ALK: variants seen among roughly 807,000 people sequenced by gnomAD.
ALK encodes ALK receptor tyrosine kinase.
In ALK, 74 loss-of-function variants were observed where a neutral mutation model predicts 163.1. That is an observed-to-expected ratio of 0.45 (90% CI 0.38 to 0.55). ALK has a LOEUF of 0.55. Among genes scored for constraint, ALK ranks in the 20% least tolerant of loss-of-function variants. ALK has a pLI of 0.00. For synonymous variants in ALK, 960 were observed against 843.2 expected (o/e 1.14, Z -2.40); for missense variants, 2,063 against 2,105.3 (o/e 0.98, Z 0.39).
At chr2:29,357,519 G>A (rs1668281257) in intron 5 of ALK, among the ~76,000 whole-genome samples, 1 of 152,226 alleles carries the variant, frequency 6.6e-6, no homozygotes, top group African/African-American at 2.4e-5. Flanking sequence ...CAGCAGTCAT[G>A]GCAAACTTTC....
intron 3 of ALK, among the ~76,000 whole-genome samples, chr2:29,690,328 C>A (rs918928712): frequency 1.3e-5 from 2 of 152,096 alleles, no homozygotes; most frequent in Admixed American, 1.3e-4. Context: ...AGTCAGAGGA[C>A]GGGGAGAGAG....
chr2:29,264,873 G>A (rs767922123), intron 11 of ALK, among the ~76,000 whole-genome samples: 4 of 152,104 alleles, frequency 2.6e-5, no homozygotes, highest in South Asian at 4.2e-4. Flanking sequence ...TGTCTCTTAC[G>A]CATGATTGGA....
chr2:29,559,160 C>G (rs971487600), intron 3 of ALK, among the ~76,000 whole-genome samples: 2 of 152,200 alleles, frequency 1.3e-5, no homozygotes, highest in African/African-American at 4.8e-5. Context: ...GCTTATCTGC[C>G]TGAAATGGTA....
intron 3 of ALK, among the ~76,000 whole-genome samples, chr2:29,540,872 A>T (rs1673394804): frequency 6.6e-6 from 1 of 152,236 alleles, no homozygotes; most frequent in Non-Finnish European, 1.5e-5. Flanking sequence ...AATTATATAT[A>T]AACAGCCAGT....
At chr2:29,778,326 C>T (rs1681236059) in intron 1 of ALK, among the ~76,000 whole-genome samples, 1 of 152,172 alleles carries the variant, frequency 6.6e-6, no homozygotes, top group Non-Finnish European at 1.5e-5. Context: ...GGATAAAAGA[C>T]TGAAAACACT....
At chr2:29,539,474 C>G (rs4666240) in intron 3 of ALK, among the ~76,000 whole-genome samples, 20,924 of 152,024 alleles carry the variant, frequency 0.14, 1,739 homozygotes, top group East Asian at 0.34. Flanking sequence ...CTATTTCTGT[C>G]TTTCTTTAAT....
At chr2:29,315,008 T>C (rs143756832) in intron 8 of ALK, among the ~76,000 whole-genome samples, 7 of 152,274 alleles carry the variant, frequency 4.6e-5, no homozygotes, top group African/African-American at 1.7e-4. Flanking sequence ...GCAACTTTAA[T>C]TATTTGAACT....
chr2:29,236,004 G>A (rs1664368246), intron 13 of ALK, among the ~76,000 whole-genome samples: 1 of 148,242 alleles, frequency 6.7e-6, no homozygotes, highest in Non-Finnish European at 1.5e-5. Context: ...TACCATGCTT[G>A]ACTAATTTTT....
chr2:29,842,769 C>G (rs769220292), intron 1 of ALK, among the ~76,000 whole-genome samples: 5 of 152,212 alleles, frequency 3.3e-5, no homozygotes, highest in Non-Finnish European at 5.9e-5. Flanking sequence ...GACCTAACAA[C>G]AGTAGTGTGT....
At chr2:29,669,281 T>A (rs913334468) in intron 3 of ALK, among the ~76,000 whole-genome samples, 1 of 152,138 alleles carries the variant, frequency 6.6e-6, no homozygotes, top group Non-Finnish European at 1.5e-5. Flanking sequence ...GGAGCTCTGA[T>A]ATTAGGTACA....
chr2:29,513,818 C>G (rs1486284447), intron 4 of ALK, among the ~76,000 whole-genome samples: 18 of 140,364 alleles, frequency 1.3e-4, no homozygotes, highest in African/African-American at 4.1e-4. Flanking sequence ...AAACAAACAA[C>G]CCCATCAAAA....
At chr2:29,265,815 C>A (rs889181204) in intron 11 of ALK, among the ~76,000 whole-genome samples, 2 of 152,008 alleles carry the variant, frequency 1.3e-5, no homozygotes, top group African/African-American at 4.8e-5. Context: ...TGGTGAAACC[C>A]CGTCTCTACT....
Position 29,227,208 on chromosome 2 carries a change from A to T in ALK, c.2915-134T>A. ...CCTAGGTCCCATAGCCACTGGAAGCACAACTGTGTAGAAGAGTCTTCCTGT... is the reference window on the plus strand; with the variant it reads ...CCTAGGTCCCATAGCCACTGGAAGCTCAACTGTGTAGAAGAGTCTTCCTGT... On this transcript the variant is annotated intron_variant, in intron 17 of 28. Transcript: ENST00000389048. The surrounding 1 kb of genome is among the most constrained non-coding windows in gnomAD (Gnocchi z 4.4). 8.6e-7 allele frequency: 1 copy of T among 1,156,120 alleles called. No homozygotes were observed. The highest frequency in any genetic ancestry group is 1.3e-6 in the Non-Finnish European group (1 of 777,072). 71.6% of individuals were successfully genotyped at this position (1,156,120 alleles called of 1,614,324 possible). A position where few individuals can be genotyped will look rare whatever the true frequency, so the allele number is the denominator to read the frequency against.
chr2:29,239,550 A>C, intron 13 of ALK, 130 bp downstream of exon 13: 1 of 1,188,742 alleles, frequency 8.4e-7, no homozygotes, highest in Admixed American at 1.7e-5. Context: ...GCTGCTGTTT[A>C]ATTACTCTTT....
intron 3 of ALK, among the ~76,000 whole-genome samples, chr2:29,668,003 T>C (rs372978159): frequency 2.0e-5 from 3 of 152,126 alleles, no homozygotes; most frequent in African/African-American, 7.2e-5. Flanking sequence ...TTTCTGCATG[T>C]TTCCATCTTG....
intron 4 of ALK, among the ~76,000 whole-genome samples, chr2:29,464,737 C>T (rs895719432): frequency 6.6e-6 from 1 of 152,134 alleles, no homozygotes; most frequent in South Asian, 2.1e-4. Flanking sequence ...GTGCTATTGG[C>T]ATCCAATGGG....
chr2:29,508,150 G>A (rs960092500), intron 4 of ALK, among the ~76,000 whole-genome samples: 2 of 152,010 alleles, frequency 1.3e-5, no homozygotes, highest in Non-Finnish European at 2.9e-5. Context: ...CTTTTCCACC[G>A]TCACTGATCT....
At chr2:29,510,522 G>T (rs561451186) in intron 4 of ALK, among the ~76,000 whole-genome samples, 36 of 152,224 alleles carry the variant, frequency 2.4e-4, no homozygotes, top group African/African-American at 7.2e-4. Flanking sequence ...GCTGTAAATG[G>T]AAATTAATAG....
intron 4 of ALK, among the ~76,000 whole-genome samples, chr2:29,413,600 C>T (rs1305649812): frequency 1.3e-5 from 2 of 151,644 alleles, no homozygotes; most frequent in African/African-American, 2.4e-5. Context: ...GGTGCAATCT[C>T]AGCTCACTGC....
Sources: gnomAD v4.1 joint callset for allele counts (sites outside exome capture counted in the v4.1 genomes callset) on GRCh38, gnomAD v4.1.1 for gene constraint, Gnocchi (gnomAD v3.1) non-coding constraint, MANE v1.5 for transcripts, NCBI Gene and HGNC (gene_info 2026-07-23, HGNC 2026-07-21) for gene names.